Variants in TRPM3 observed in about 807,000 individuals in gnomAD.
TRPM3 encodes transient receptor potential cation channel subfamily M member 3.
Under a neutral mutation model 181.2 loss-of-function variants are expected in TRPM3, and 77 were observed. The ratio of observed to expected loss-of-function variants is 0.42; its 90% CI spans 0.35 to 0.51. The LOEUF (loss-of-function observed/expected upper bound fraction) is 0.51, where lower values mean the gene tolerates loss of function less well. Ranked by LOEUF, TRPM3 falls within the 20% of genes least tolerant of loss-of-function variation. The pLI is 0.01. For synonymous variants in TRPM3, 745 were observed against 796.4 expected, an observed-to-expected ratio of 0.94 and a Z score of 1.09; for missense variants, 1,759 against 2,196.7, an observed-to-expected ratio of 0.80 and a Z score of 3.98.
intron 19 of TRPM3, among the ~76,000 whole-genome samples, chr9:70,606,204 A>G (rs1016353510): frequency 2.0e-5 from 3 of 152,108 alleles, no homozygotes; most frequent in Non-Finnish European, 2.9e-5. Context: ...ATATCTATCT[A>G]TCTGTCTGTC....
chr9:71,030,160 T>G (rs1211850751), intron 1 of TRPM3, among the ~76,000 whole-genome samples: 2 of 152,268 alleles, frequency 1.3e-5, no homozygotes, highest in East Asian at 3.8e-4. Context: ...TTATATTTTG[T>G]AAAGTTTGTT....
In TRPM3 at chr9:70,603,475, A is replaced by T. The variant is rs760999353; in HGVS notation, c.2668-5T>A. 6.2e-7 allele frequency: 1 copy of T among 1,613,894 alleles called. No homozygotes were observed. Among genetic ancestry groups the T allele is most frequent in the Admixed American group, 1.7e-5 (1 of 60,002 alleles). On this transcript the variant is annotated splice_region_variant and splice_polypyrimidine_tract_variant and intron_variant, in intron 19 of 25. Transcript: ENST00000677713. ...CAGGTATCCGATATACGCCAGCTGT[A>T]AGGAGACACAATACAGTGCTCTGGC... is the stretch of plus-strand genomic sequence containing the variant.
In TRPM3 at chr9:70,655,814, G is replaced by T. The variant is rs555347163; in HGVS notation, c.1346-15154C>A. ...CTGATAACTGCTTAGGTTACTGAAA[G>T]AGTTATAATAATTTAAAAGGTTATC... On this transcript the variant is annotated intron_variant, in intron 9 of 25. Transcript: ENST00000677713. 3.9e-4 allele frequency among the ~76,000 whole-genome samples: 59 copies of T among 152,244 alleles called. 1 individual carries two copies. The highest frequency in any genetic ancestry group is 1.3e-3 in the African/African-American group (54 of 41,554).
chr9:70,808,039 T>C (rs898386276), intron 6 of TRPM3, among the ~76,000 whole-genome samples: 1 of 152,084 alleles, frequency 6.6e-6, no homozygotes, highest in African/African-American at 2.4e-5. Flanking sequence ...TATCTTGAAA[T>C]GGATGGGACA....
At chr9:70,787,763 C>CTTTTTTTTTTTTTTTTTTTTTCATT (rs2084071076) in intron 6 of TRPM3, among the ~76,000 whole-genome samples, 1 of 68,558 alleles carries the variant, frequency 1.5e-5, no homozygotes, top group Non-Finnish European at 2.6e-5. Context: ...TTTTTGGATT[C>CTTTTTTTTTTTTTTTTTTTTTCATT]TTTTTTTTTT....
intron 12 of TRPM3, among the ~76,000 whole-genome samples, chr9:70,626,616 T>A (rs767384340): frequency 3.9e-5 from 6 of 152,198 alleles, no homozygotes; most frequent in Non-Finnish European, 8.8e-5. Context: ...CTCTGTGGCC[T>A]TTCCTAGCTC....
At chr9:71,219,067 G>T (rs1022812746) in intron 1 of TRPM3, among the ~76,000 whole-genome samples, 1 of 152,276 alleles carries the variant, frequency 6.6e-6, no homozygotes, top group Admixed American at 6.5e-5. Flanking sequence ...CATATCAACC[G>T]GTGGTTTCAT....
chr9:70,540,952 T>G (rs2043168823), intron 25 of TRPM3, among the ~76,000 whole-genome samples: 1 of 152,072 alleles, frequency 6.6e-6, no homozygotes, highest in East Asian at 1.9e-4. Flanking sequence ...AAATTCCTGA[T>G]CTCAAGTGAT....
chr9:70,863,868 A>G (rs560612205), intron 2 of TRPM3, among the ~76,000 whole-genome samples: 53 of 151,962 alleles, frequency 3.5e-4, no homozygotes, highest in Non-Finnish European at 1.5e-4. Flanking sequence ...AGTCTCTAAG[A>G]CTCTGTAGTC....
intron 1 of TRPM3, among the ~76,000 whole-genome samples, chr9:71,006,886 A>AAG (rs58341428): frequency 2.0e-5 from 3 of 148,486 alleles, no homozygotes; most frequent in Non-Finnish European, 4.5e-5. Flanking sequence ...AAAAAAAAAA[A>AAG]TACAAAATTA....
At position 71,017,724 on chromosome 9, in the gene TRPM3, T is replaced by C. The variant is rs118184923; in HGVS notation, c.177+103454A>G. On this transcript the variant is annotated intron_variant, in intron 1 of 25. Coordinates refer to ENST00000677713, the MANE Select transcript of TRPM3 (RefSeq NM_001366145.2). Reference sequence around the variant, plus strand: ...AAAAATTGATAGACCCAATAAAAGATAGAAATTCCATAATAATCATCAAAA... The same window carrying C: ...AAAAATTGATAGACCCAATAAAAGACAGAAATTCCATAATAATCATCAAAA... Among the ~76,000 whole-genome samples, 795 of 151,842 alleles carry C rather than the reference T, an allele frequency of 5.2e-3. 19 individuals carry two copies. The East Asian group carries it at 0.078, about 15-fold the overall frequency.
At chr9:70,897,925 AAAC>A (rs1289363738) in intron 1 of TRPM3, among the ~76,000 whole-genome samples, 1 of 151,932 alleles carries the variant, frequency 6.6e-6, no homozygotes, top group Non-Finnish European at 1.5e-5. Context: ...AGTTGTTATT[AAAC>A]AACAGATAAT....
intron 1 of TRPM3, among the ~76,000 whole-genome samples, chr9:71,172,060 G>T (rs1203794740): frequency 6.6e-6 from 1 of 151,918 alleles, no homozygotes; most frequent in African/African-American, 2.4e-5. Flanking sequence ...CACCATACCT[G>T]GCCAGTTTTT....
chr9:71,147,848 C>T (rs1357718394), intron 1 of TRPM3, among the ~76,000 whole-genome samples: 4 of 152,224 alleles, frequency 2.6e-5, no homozygotes, highest in African/African-American at 7.2e-5. Flanking sequence ...TAAACAGGGG[C>T]CTTACAAGGG....
At chr9:71,407,251 G>A (rs893378830) in intron 1 of TRPM3, among the ~76,000 whole-genome samples, 1 of 152,160 alleles carries the variant, frequency 6.6e-6, no homozygotes, top group African/African-American at 2.4e-5. Context: ...AGCCCATGAA[G>A]TGTGAGCTGA....
chr9:71,029,149 T>C (rs1364142692), intron 1 of TRPM3, among the ~76,000 whole-genome samples: 2 of 152,132 alleles, frequency 1.3e-5, no homozygotes, highest in Non-Finnish European at 2.9e-5. Flanking sequence ...AGAAGTCCTT[T>C]GAAATTAATG....
chr9:70,583,246 A>G (rs1283975698), intron 22 of TRPM3, among the ~76,000 whole-genome samples: 1 of 152,192 alleles, frequency 6.6e-6, no homozygotes, highest in African/African-American at 2.4e-5. Flanking sequence ...TGGAGGAGAG[A>G]AAAAAGAAAT....
rs372039375 is a variant in TRPM3, at chr9:71,121,387, T to G, written c.-33A>C. 2 of 1,607,578 alleles carry G rather than the reference T, an allele frequency of 1.2e-6. No individual in the cohort carries two copies. Among genetic ancestry groups the G allele is most frequent in the African/African-American group, 2.7e-5 (2 of 74,646 alleles). ...TCATCTCCACACCTGCAAATTCCAT[T>G]AGGGCAGAGGCTTCCTGGAACTTGG... On this transcript the variant is annotated 5_prime_UTR_variant, in exon 1 of 26. An upstream open reading frame in the 5' UTR loses its in-frame stop. Transcript: ENST00000677713.
intron 11 of TRPM3, 136 bp from the exon 12 acceptor site, chr9:70,635,397 T>C: frequency 6.4e-6 from 4 of 624,744 alleles, no homozygotes; most frequent in Non-Finnish European, 8.4e-6. Flanking sequence ...AGTTGCTCAG[T>C]GTATCTGCCT....
Sources: gnomAD v4.1 joint callset for allele counts (sites outside exome capture counted in the v4.1 genomes callset) on GRCh38, gnomAD v4.1.1 for gene constraint, MANE v1.5 for transcripts, NCBI Gene and HGNC (gene_info 2026-07-23, HGNC 2026-07-21) for gene names.